The following CHRM5 variants were observed in gnomAD, a reference collection of about 807,000 sequenced individuals.
CHRM5 encodes the protein muscarinic acetylcholine receptor M5.
In CHRM5, 18 loss-of-function variants were observed where a neutral mutation model predicts 39.0. The observed-to-expected ratio is 0.46, with a 90% CI of 0.32 to 0.68. The LOEUF is 0.68. Ranked by LOEUF, CHRM5 falls within the 30% of genes least tolerant of loss-of-function variation. The probability of loss-of-function intolerance (pLI) is 0.04; values close to 1 mark genes in which losing one functional copy is unlikely to be tolerated. For synonymous variants in CHRM5, 241 were observed against 246.3 expected (o/e 0.98, Z 0.20); for missense variants, 515 against 651.1 (o/e 0.79, Z 2.28).
Position 34,066,092 on chromosome 15 carries a change from C to T in CHRM5, c.*1776C>T, listed in dbSNP as rs1361517778. ...GGACGGGACTGGTCCCTTATAAAGA[C>T]TTCACGTTGACATGAAACATCTTGT... On this transcript the variant is annotated 3_prime_UTR_variant, in exon 3 of 3. Coordinates refer to ENST00000383263, the MANE Select transcript of CHRM5 (RefSeq NM_012125.4). 1 of 152,252 alleles carries T rather than the reference C, an allele frequency of 6.6e-6. No homozygotes were observed. The highest frequency in any genetic ancestry group is 2.4e-5 in the African/African-American group (1 of 41,468). 9.4% of individuals were successfully genotyped at this position (152,252 alleles called of 1,614,324 possible). A position where few individuals can be genotyped will look rare whatever the true frequency, so the allele number is the denominator to read the frequency against.
intron 1 of CHRM5, among the ~76,000 whole-genome samples, chr15:34,007,975 A>C (rs1056172081): frequency 6.6e-6 from 1 of 152,214 alleles, no homozygotes. Flanking sequence ...GGCCTACCTT[A>C]ATCAAGTAAG....
intron 1 of CHRM5, among the ~76,000 whole-genome samples, chr15:34,037,493 ATTG>A (rs1421848966): frequency 6.7e-6 from 1 of 149,692 alleles, no homozygotes; most frequent in Non-Finnish European, 1.5e-5. Flanking sequence ...AATATATAAC[ATTG>A]TAGTTAATAT....
chr15:34,033,106 A>T (rs1301189685), intron 1 of CHRM5, among the ~76,000 whole-genome samples: 3 of 152,210 alleles, frequency 2.0e-5, no homozygotes, highest in Non-Finnish European at 2.9e-5. Flanking sequence ...AAAAGAATTG[A>T]CACTGAATCC....
At chr15:34,042,559 C>A (rs1316529362) in intron 1 of CHRM5, among the ~76,000 whole-genome samples, 1 of 151,808 alleles carries the variant, frequency 6.6e-6, no homozygotes, top group Non-Finnish European at 1.5e-5. Flanking sequence ...CACCACCACG[C>A]CCGGCTAATT....
chr15:34,031,562 A>G (rs994979821), intron 1 of CHRM5, among the ~76,000 whole-genome samples: 2 of 152,232 alleles, frequency 1.3e-5, no homozygotes, highest in Non-Finnish European at 2.9e-5. Context: ...GATTCGTATC[A>G]GTCCTTAATG....
chr15:34,030,748 G>A (rs938960873), intron 1 of CHRM5, among the ~76,000 whole-genome samples: 1 of 152,052 alleles, frequency 6.6e-6, no homozygotes, highest in African/African-American at 2.4e-5. Context: ...TCCTGAGTAG[G>A]TGGGAATACA....
chr15:34,034,754 AGT>A (rs1491410052), intron 1 of CHRM5, among the ~76,000 whole-genome samples: 1 of 152,218 alleles, frequency 6.6e-6, no homozygotes, highest in Non-Finnish European at 1.5e-5. Flanking sequence ...AAATAATTAC[AGT>A]GTGTGTGCAA....
intron 1 of CHRM5, chr15:33,972,228 A>G (rs1345814205): frequency 6.6e-6 from 1 of 152,096 alleles, no homozygotes; most frequent in Non-Finnish European, 1.5e-5. Context: ...ACCAGTAAGC[A>G]AGCAGACAGT....
intron 1 of CHRM5, among the ~76,000 whole-genome samples, chr15:34,010,368 A>G (rs1897585790): frequency 6.6e-6 from 1 of 152,214 alleles, no homozygotes; most frequent in Admixed American, 6.5e-5. Flanking sequence ...ATACTTACAG[A>G]TTATCTCTAT....
At chr15:34,043,038 G>A (rs1407528719) in intron 1 of CHRM5, among the ~76,000 whole-genome samples, 2 of 152,118 alleles carry the variant, frequency 1.3e-5, no homozygotes, top group South Asian at 2.1e-4. Flanking sequence ...ACGAGGTCAG[G>A]AGATTGAGAC....
intron 1 of CHRM5, among the ~76,000 whole-genome samples, chr15:34,026,522 T>G (rs1898479651): frequency 6.6e-6 from 1 of 152,168 alleles, no homozygotes; most frequent in South Asian, 2.1e-4. Context: ...GGAGGTAATG[T>G]GTGTCAATCA....
chr15:34,053,673 T>A (rs1303292702), intron 2 of CHRM5, among the ~76,000 whole-genome samples: 4 of 151,966 alleles, frequency 2.6e-5, no homozygotes, highest in African/African-American at 9.7e-5. Flanking sequence ...TATACAAAAA[T>A]TAACTCAAGA....
chr15:34,028,492 G>A (rs1488287092), intron 1 of CHRM5, among the ~76,000 whole-genome samples: 1 of 152,194 alleles, frequency 6.6e-6, no homozygotes, highest in African/African-American at 2.4e-5. Context: ...TTAAGCCAAG[G>A]AGGTCAAGGC....
At chr15:33,975,590 T>A (rs970402094) in intron 1 of CHRM5, among the ~76,000 whole-genome samples, 1 of 152,212 alleles carries the variant, frequency 6.6e-6, no homozygotes, top group Non-Finnish European at 1.5e-5. Context: ...GAATTTGTCA[T>A]AATAGAACTC....
chr15:34,042,493 C>T (rs1251954261), intron 1 of CHRM5, among the ~76,000 whole-genome samples: 1 of 151,154 alleles, frequency 6.6e-6, no homozygotes, highest in Non-Finnish European at 1.5e-5. Context: ...CTCTGCCTCC[C>T]AGGTTCAAGC....
chr15:34,030,403 T>C (rs551948756), intron 1 of CHRM5, among the ~76,000 whole-genome samples: 2 of 151,810 alleles, frequency 1.3e-5, no homozygotes, highest in African/African-American at 4.8e-5. Flanking sequence ...TGGAGTGCAG[T>C]GGCGCAATCT....
At chr15:34,022,421 G>T (rs1336607842) in intron 1 of CHRM5, among the ~76,000 whole-genome samples, 1 of 152,154 alleles carries the variant, frequency 6.6e-6, no homozygotes, top group Non-Finnish European at 1.5e-5. Context: ...TTAATTAAAA[G>T]AAAGGGCAGC....
At chr15:34,014,317 T>A (rs1268730364) in intron 1 of CHRM5, among the ~76,000 whole-genome samples, 2 of 139,316 alleles carry the variant, frequency 1.4e-5, no homozygotes, top group African/African-American at 5.5e-5. Context: ...TGAGCCAAGA[T>A]TGTGCCATTG....
At chr15:34,057,688 G>A (rs1900207004) in intron 2 of CHRM5, among the ~76,000 whole-genome samples, 1 of 152,132 alleles carries the variant, frequency 6.6e-6, no homozygotes, top group Non-Finnish European at 1.5e-5. Flanking sequence ...TCCCAGCTAC[G>A]TGGGAGGCTG....
Sources: allele counts gnomAD v4.1 joint callset (sites outside exome capture counted in the v4.1 genomes callset), GRCh38; gene constraint gnomAD v4.1.1; transcripts MANE v1.5; gene names NCBI Gene and HGNC (gene_info 2026-07-23, HGNC 2026-07-21).